NCOR2: variants seen among roughly 807,000 people sequenced by gnomAD.
NCOR2 encodes CTG repeat protein 26.
NCOR2 carries 81 observed loss-of-function variants against 262.9 expected under a neutral mutation model. The ratio of observed to expected loss-of-function variants is 0.31; its 90% CI spans 0.26 to 0.37. The LOEUF (loss-of-function observed/expected upper bound fraction) is 0.37, where lower values mean the gene tolerates loss of function less well. NCOR2 is among the 10% of genes least tolerant of loss of function. The pLI is 1.00. For missense variants in NCOR2, 3,385 were observed against 3,621.4 expected (o/e 0.93, Z 1.68); for synonymous variants, 1,659 against 1,559.3 (o/e 1.06, Z -1.51).
intron 22 of NCOR2, among the ~76,000 whole-genome samples, chr12:124,360,201 C>T (rs960684123): frequency 5.9e-5 from 9 of 152,208 alleles, no homozygotes; most frequent in Non-Finnish European, 1.2e-4. Context: ...CGGGCTGGCG[C>T]CCCAAACCTG....
intron 1 of NCOR2, among the ~76,000 whole-genome samples, chr12:124,500,860 A>G (rs1280178192): frequency 6.6e-6 from 1 of 152,042 alleles, no homozygotes; most frequent in Non-Finnish European, 1.5e-5. Context: ...TGTGGGAGCT[A>G]CAGGATGTGC....
At position 124,376,850 on chromosome 12, in the gene NCOR2, G is replaced by A. The variant is rs1780811585; in HGVS notation, c.2167+1387C>T. On this transcript the variant is annotated intron_variant, in intron 18 of 46. Coordinates refer to ENST00000405201, the Ensembl canonical transcript of NCOR2. ...AGGACCCCAGACGGGGCAGGAGGAA[G>A]GAGGGTTGAATTCACCAAGGACTTG... Among the ~76,000 whole-genome samples, 3 of 152,244 alleles carry A rather than the reference G, an allele frequency of 2.0e-5. No homozygotes were observed. The South Asian group carries it at 6.2e-4, about 31-fold the overall frequency.
intron 1 of NCOR2, among the ~76,000 whole-genome samples, chr12:124,550,572 G>GTC (rs1369914855): frequency 6.6e-6 from 1 of 152,204 alleles, no homozygotes; most frequent in East Asian, 1.9e-4. Flanking sequence ...GAGGCTGGCA[G>GTC]TCTCTCTCTG....
At chr12:124,382,536 C>T (rs1300699012) in intron 17 of NCOR2, among the ~76,000 whole-genome samples, 3 of 152,194 alleles carry the variant, frequency 2.0e-5, no homozygotes, top group South Asian at 2.1e-4. Context: ...CTGTGTCATT[C>T]GGATCAGAAT....
chr12:124,555,505 C>G (rs552609311), intron 1 of NCOR2, among the ~76,000 whole-genome samples: 20 of 152,314 alleles, frequency 1.3e-4, no homozygotes, highest in Middle Eastern at 3.4e-3. Flanking sequence ...AGCAGTCCCC[C>G]CAAGCGTCCA....
intron 13 of NCOR2, among the ~76,000 whole-genome samples, chr12:124,403,273 C>G (rs1019638306): frequency 2.0e-5 from 3 of 152,168 alleles, no homozygotes; most frequent in Non-Finnish European, 2.9e-5. Context: ...TGGTCTCCCT[C>G]GCATGCCAGC....
At chr12:124,522,006 G>C (rs1566022894) in intron 1 of NCOR2, among the ~76,000 whole-genome samples, 1 of 152,144 alleles carries the variant, frequency 6.6e-6, no homozygotes, top group Non-Finnish European at 1.5e-5. Flanking sequence ...AACAGAGCAA[G>C]GCCGCATCTC....
chr12:124,346,723 C>T, exon 31 of NCOR2: 2 of 1,564,090 alleles, frequency 1.3e-6, no homozygotes, highest in Non-Finnish European at 1.7e-6. Context: ...GGCCCAGGGC[C>T]TGCGTCTTGT....
Position 124,429,856 on chromosome 12 carries a change from T to C in NCOR2, c.1056-150A>G, listed in dbSNP as rs868659096. On this transcript the variant is annotated intron_variant, in intron 9 of 46. Coordinates refer to ENST00000405201, the Ensembl canonical transcript of NCOR2. Reference sequence around the variant, plus strand: ...GGGGCCGGCCCCACACCCGGGGTCCTGGGGAGGCATGGAGCCCCCACCCCA... The same window carrying C: ...GGGGCCGGCCCCACACCCGGGGTCCCGGGGAGGCATGGAGCCCCCACCCCA... 25 of 714,998 alleles carry C rather than the reference T, an allele frequency of 3.5e-5. No homozygotes were observed. The South Asian group carries it at 4.4e-4, about 13-fold the overall frequency. 44.3% of individuals were successfully genotyped at this position (714,998 alleles called of 1,614,324 possible).
exon 45 of NCOR2, chr12:124,327,608 C>T (rs914451300): frequency 3.7e-6 from 6 of 1,608,632 alleles, no homozygotes; most frequent in South Asian, 1.1e-5. Context: ...GTTCCTGCAC[C>T]GCCTGGCTTC....
chr12:124,334,660 T>C (rs1379679054), intron 40 of NCOR2, 43 bp from the exon 43 acceptor site: 7 of 919,480 alleles, frequency 7.6e-6, no homozygotes, highest in Non-Finnish European at 1.0e-5. Flanking sequence ...AGCACTCTCC[T>C]GACAGAACCT....
chr12:124,403,073 GAGCATCTGGGA>G (rs1370828289), intron 13 of NCOR2, among the ~76,000 whole-genome samples: 1 of 152,144 alleles, frequency 6.6e-6, no homozygotes, highest in Admixed American at 6.5e-5. Context: ...AGGGGTGCCT[GAGCATCTGGGA>G]AGCTGGGGAC....
exon 22 of NCOR2, chr12:124,362,274 G>C (rs2038645181): frequency 7.6e-7 from 1 of 1,313,692 alleles, no homozygotes; most frequent in African/African-American, 1.5e-5. Context: ...CCTCCCGGGG[G>C]GGCTCATGGA....
At chr12:124,546,256 C>A (rs1231804245) in intron 1 of NCOR2, among the ~76,000 whole-genome samples, 2 of 152,190 alleles carry the variant, frequency 1.3e-5, no homozygotes, top group African/African-American at 4.8e-5. Context: ...CGAATGCCTG[C>A]CTACAGTAAG....
At chr12:124,479,283 C>T (rs886889041) in intron 3 of NCOR2, among the ~76,000 whole-genome samples, 1 of 151,896 alleles carries the variant, frequency 6.6e-6, no homozygotes, top group African/African-American at 2.4e-5. Context: ...CATGCATATA[C>T]ACACATGCAC....
chr12:124,383,782 T>A (rs1184146508), intron 17 of NCOR2, among the ~76,000 whole-genome samples: 1 of 152,264 alleles, frequency 6.6e-6, no homozygotes, highest in African/African-American at 2.4e-5. Context: ...CTGAATTCAC[T>A]GCCCAAGGTC....
chr12:124,334,708 G>T, intron 40 of NCOR2, 91 bp from the exon 43 acceptor site: 2 of 683,084 alleles, frequency 2.9e-6, no homozygotes, highest in Non-Finnish European at 4.6e-6. Context: ...GCTCGGGGCA[G>T]AATCCTGGGT....
At chr12:124,325,523 G>A (rs1349672396) in exon 47 of NCOR2, 2 of 1,358,526 alleles carry the variant, frequency 1.5e-6, no homozygotes, top group Non-Finnish European at 1.9e-6. Flanking sequence ...TGGGGGTGGG[G>A]AAGCCATGAC....
intron 1 of NCOR2, among the ~76,000 whole-genome samples, chr12:124,555,522 T>C (rs2051854926): frequency 6.6e-6 from 1 of 152,108 alleles, no homozygotes; most frequent in South Asian, 2.1e-4. Flanking sequence ...TCCACTCCCC[T>C]ACGCACCAGG....
Sources: allele counts gnomAD v4.1 joint callset (sites outside exome capture counted in the v4.1 genomes callset), GRCh38; gene constraint gnomAD v4.1.1; transcripts MANE v1.5; gene names NCBI Gene and HGNC (gene_info 2026-07-23, HGNC 2026-07-21).